ANKFY1: variants seen among roughly 807,000 people sequenced by gnomAD.
ANKFY1 encodes the protein ankyrin repeat and FYVE domain containing 1.
A neutral mutation model predicts 128.3 loss-of-function variants in ANKFY1; 47 were observed. That is an observed-to-expected ratio of 0.37 (90% CI 0.29 to 0.47). ANKFY1 has a LOEUF of 0.47. Ranked by LOEUF, ANKFY1 falls within the 20% of genes least tolerant of loss-of-function variation. The probability of loss-of-function intolerance (pLI) is 1.00; values close to 1 mark genes in which losing one functional copy is unlikely to be tolerated. For synonymous variants in ANKFY1, 553 were observed against 601.6 expected (o/e 0.92, Z 1.18); for missense variants, 1,222 against 1,510.6 (o/e 0.81, Z 3.17).
chr17:4,203,373 CATATATA>C (rs1236894784), intron 7 of ANKFY1, among the ~76,000 whole-genome samples: 1 of 152,202 alleles, frequency 6.6e-6, no homozygotes, highest in East Asian at 1.9e-4. Flanking sequence ...TAAAAAAATC[CATATATA>C]ATATTTCTTT....
intron 3 of ANKFY1, among the ~76,000 whole-genome samples, chr17:4,233,682 T>C (rs1202694749): frequency 1.3e-5 from 2 of 152,202 alleles, no homozygotes; most frequent in South Asian, 2.1e-4. Context: ...CCTTCCTTTA[T>C]CACCCCAACT....
intron 7 of ANKFY1, among the ~76,000 whole-genome samples, chr17:4,201,478 GATTTTTTTT>G (rs1217642098): frequency 1.8e-5 from 1 of 56,892 alleles, no homozygotes; most frequent in Non-Finnish European, 3.7e-5. Flanking sequence ...GCCTGTGTCT[GATTTTTTTT>G]TTTTTTTTTT....
At chr17:4,191,598 G>C (rs1289757623) in intron 10 of ANKFY1, among the ~76,000 whole-genome samples, 1 of 147,214 alleles carries the variant, frequency 6.8e-6, no homozygotes, top group Non-Finnish European at 1.5e-5. Context: ...CTAGTTGATG[G>C]TTACTCTAAT....
At chr17:4,179,424 G>A (rs1227587634) in intron 17 of ANKFY1, 1 of 520,086 alleles carries the variant, frequency 1.9e-6, no homozygotes, top group Non-Finnish European at 3.4e-6. Context: ...TGAGCTACTG[G>A]GACATTTTCC....
rs1356405092 is a variant in ANKFY1 at position 4,197,562 on chromosome 17, G to A, written c.914C>T (p.Ala305Val). ...KGIQRGDLFA[A>V]TFLIKNGAFV... ...GGCCCCATTCTTAATGAGGAAAGTG[G>A]CAGCAAAGAGATCTCCTTGAAAAGA... is the stretch of plus-strand genomic sequence containing the variant. The change falls in exon 8 of 25, where the codon GCC becomes GTC. Residue 305 changes from alanine to valine, a missense_variant. Transcript: ENST00000341657. The A allele has an allele frequency of 3.3e-5, 54 of 1,614,018 alleles. No individual in the cohort carries two copies. The highest frequency in any genetic ancestry group is 4.1e-5 in the Non-Finnish European group (48 of 1,180,026).
chr17:4,206,546 T>C, intron 6 of ANKFY1, 60 bp from the exon 7 acceptor site: 1 of 1,485,104 alleles, frequency 6.7e-7, no homozygotes, highest in African/African-American at 1.4e-5. Flanking sequence ...CTATTTTAAT[T>C]TCTCCCACCT....
At chr17:4,225,579 C>T (rs1308496240) in intron 3 of ANKFY1, among the ~76,000 whole-genome samples, 1 of 151,978 alleles carries the variant, frequency 6.6e-6, no homozygotes, top group African/African-American at 2.4e-5. Flanking sequence ...ACAACCCATC[C>T]CATTTTAACT....
intron 22 of ANKFY1, 57 bp from the exon 23 acceptor site, chr17:4,170,918 C>T: frequency 2.5e-6 from 4 of 1,612,034 alleles, no homozygotes; most frequent in Middle Eastern, 1.7e-4. Flanking sequence ...CCGGCAGCCA[C>T]AGACGGAGGG....
intron 16 of ANKFY1, 193 bp from the exon 17 acceptor site, chr17:4,180,070 T>C (rs1036511842): frequency 1.5e-6 from 1 of 668,440 alleles, no homozygotes; most frequent in African/African-American, 1.8e-5. Flanking sequence ...TGACTGGTCT[T>C]GGGGGTGGGC....
At chr17:4,262,101 G>A (rs139958738) in intron 1 of ANKFY1, among the ~76,000 whole-genome samples, 100 of 152,322 alleles carry the variant, frequency 6.6e-4, no homozygotes, top group African/African-American at 2.4e-3. Context: ...CAAAGCGGAT[G>A]GATTGCTTGA....
rs1424181787 is a variant in ANKFY1 at position 4,185,015 on chromosome 17, T to C, written c.1502A>G (p.His501Arg). ...GETPLHTACR[H>R]GLANLTAELL... ...CTCTGCCGTGAGGTTGGCCAGGCCATGCCGACACGCTGTGTGCAACGGGGT... is the reference window on the plus strand; with the variant it reads ...CTCTGCCGTGAGGTTGGCCAGGCCACGCCGACACGCTGTGTGCAACGGGGT... Residue 501 changes from histidine to arginine, a missense_variant, in exon 12 of 25, where the codon CAT (histidine) becomes CGT (arginine). Transcript: ENST00000341657. The C allele has an allele frequency of 5.6e-6, 9 of 1,613,680 alleles. No homozygotes were observed. Among genetic ancestry groups the C allele is most frequent in the Non-Finnish European group, 7.6e-6 (9 of 1,180,008 alleles).
intron 8 of ANKFY1, among the ~76,000 whole-genome samples, chr17:4,196,319 CG>C (rs1182976144): frequency 1.3e-5 from 2 of 152,026 alleles, no homozygotes; most frequent in Non-Finnish European, 2.9e-5. Flanking sequence ...ATCTTATTTA[CG>C]TACTTATCTA....
chr17:4,198,162 C>CT (rs2059862221), intron 7 of ANKFY1, among the ~76,000 whole-genome samples: 1 of 151,634 alleles, frequency 6.6e-6, no homozygotes, highest in African/African-American at 2.4e-5. Flanking sequence ...GGCTTCTACT[C>CT]TTCAAAGGCC....
At chr17:4,183,289 T>G in intron 14 of ANKFY1, 109 bp downstream of exon 14, 1 of 1,332,910 alleles carries the variant, frequency 7.5e-7, no homozygotes. Context: ...CTGTTTCCTT[T>G]CCTCTAACTA....
In ANKFY1 at chr17:4,168,120, AAT is replaced by A. The variant is rs1306158422; in HGVS notation, c.3378-211_3378-210del. ...CTCTAGTCAATCATCAAGTTAAAGCAATACTGAAGAAGGCTTTTTTTTTTTTT... is the reference window on the plus strand; with the variant it reads ...CTCTAGTCAATCATCAAGTTAAAGCAACTGAAGAAGGCTTTTTTTTTTTTT... On this transcript the variant is annotated intron_variant, in intron 24 of 24. Coordinates refer to ENST00000341657, the MANE Select transcript of ANKFY1 (RefSeq NM_001330063.2). The A allele has an allele frequency of 6.2e-6, 3 of 485,158 alleles. No individual in the cohort carries two copies. In the East Asian group the frequency reaches 1.0e-4, roughly 16 times the overall value. 30.1% of individuals were successfully genotyped at this position (485,158 alleles called of 1,614,324 possible).
chr17:4,253,112 T>TC (rs1967927061), intron 1 of ANKFY1, among the ~76,000 whole-genome samples: 2 of 152,000 alleles, frequency 1.3e-5, no homozygotes, highest in Non-Finnish European at 2.9e-5. Context: ...TCCCAGCTAC[T>TC]TGGGAGGCTG....
chr17:4,221,214 T>A (rs1205020418), intron 3 of ANKFY1, among the ~76,000 whole-genome samples: 1 of 152,194 alleles, frequency 6.6e-6, no homozygotes, highest in East Asian at 1.9e-4. Context: ...ACTGACTTTG[T>A]TTTTTACTTT....
chr17:4,261,217 G>C (rs1347371697), intron 1 of ANKFY1, among the ~76,000 whole-genome samples: 2 of 152,184 alleles, frequency 1.3e-5, no homozygotes, highest in Non-Finnish European at 2.9e-5. Context: ...GGCCGGGTGT[G>C]GTGGCTCACA....
intron 7 of ANKFY1, among the ~76,000 whole-genome samples, chr17:4,200,280 T>A (rs1042966543): frequency 6.6e-6 from 1 of 152,126 alleles, no homozygotes; most frequent in Non-Finnish European, 1.5e-5. Context: ...CCCAAGCTGG[T>A]CTTGAACTCC....
Sources: gnomAD v4.1 joint callset for allele counts (sites outside exome capture counted in the v4.1 genomes callset) on GRCh38, gnomAD v4.1.1 for gene constraint, MANE v1.5 for transcripts, NCBI Gene and HGNC (gene_info 2026-07-23, HGNC 2026-07-21) for gene names.